CD86: variants seen among roughly 807,000 people sequenced by gnomAD.
CD86 encodes T-lymphocyte activation antigen CD86.
In CD86, 11 loss-of-function variants were observed where a neutral mutation model predicts 32.1. The observed-to-expected ratio is 0.34, with a 90% confidence interval of 0.22 to 0.57. The LOEUF (loss-of-function observed/expected upper bound fraction) is 0.57, where lower values mean the gene tolerates loss of function less well. Among genes scored for constraint, CD86 ranks in the 20% least tolerant of loss-of-function variants. The pLI is 0.86. For missense variants in CD86, 359 were observed against 398.4 expected, an observed-to-expected ratio of 0.90 and a Z score of 0.84; for synonymous variants, 137 against 135.3, an observed-to-expected ratio of 1.01 and a Z score of -0.09.
chr3:122,089,282 A>G (rs1017354947), intron 1 of CD86, among the ~76,000 whole-genome samples: 1 of 152,234 alleles, frequency 6.6e-6, no homozygotes, highest in African/African-American at 2.4e-5. Flanking sequence ...AATGTATTTC[A>G]TACCACTGTA....
At chr3:122,059,823 A>C (rs2072300288) in intron 1 of CD86, among the ~76,000 whole-genome samples, 1 of 152,182 alleles carries the variant, frequency 6.6e-6, no homozygotes, top group South Asian at 2.1e-4. Context: ...TCCTAATCCA[A>C]GACAATTGTT....
At chr3:122,112,066 T>C (rs993342362) in intron 5 of CD86, among the ~76,000 whole-genome samples, 1 of 152,200 alleles carries the variant, frequency 6.6e-6, no homozygotes, top group African/African-American at 2.4e-5. Flanking sequence ...AACTATGAAT[T>C]ACTGTCTTTT....
intron 2 of CD86, among the ~76,000 whole-genome samples, chr3:122,095,505 A>G (rs1281442739): frequency 6.6e-6 from 1 of 152,120 alleles, no homozygotes; most frequent in Non-Finnish European, 1.5e-5. Flanking sequence ...TTTATGTAAG[A>G]TTGGCTCAAA....
At chr3:122,068,360 A>T (rs2072443468) in intron 1 of CD86, among the ~76,000 whole-genome samples, 2 of 152,192 alleles carry the variant, frequency 1.3e-5, no homozygotes, top group Admixed American at 1.3e-4. Context: ...AGAAAAAAAA[A>T]ATATGAACTT....
chr3:122,085,974 T>G (rs970233203), intron 1 of CD86, among the ~76,000 whole-genome samples: 9 of 152,192 alleles, frequency 5.9e-5, no homozygotes, highest in Non-Finnish European at 1.3e-4. Flanking sequence ...CCACAGAGAC[T>G]GTGGTGTCCC....
chr3:122,068,677 G>A (rs934754225), intron 1 of CD86, among the ~76,000 whole-genome samples: 2 of 152,142 alleles, frequency 1.3e-5, no homozygotes, highest in Non-Finnish European at 2.9e-5. Context: ...TAAATGTGCT[G>A]CTGTATATAT....
At chr3:122,077,884 C>A in intron 1 of CD86, 1 of 985,448 alleles carries the variant, frequency 1.0e-6, no homozygotes, top group Non-Finnish European at 1.2e-6. Context: ...TCAGTCCTGG[C>A]ATTATTTCTC....
chr3:122,090,738 T>C (rs982914972), intron 1 of CD86, among the ~76,000 whole-genome samples: 2 of 152,036 alleles, frequency 1.3e-5, no homozygotes, highest in African/African-American at 4.8e-5. Flanking sequence ...TTAGGGTAAG[T>C]GCGTGGGTAG....
chr3:122,103,324 C>T (rs1576781768), intron 2 of CD86, among the ~76,000 whole-genome samples, 188 bp from the exon 3 acceptor site: 4 of 152,092 alleles, frequency 2.6e-5, no homozygotes, highest in South Asian at 2.1e-4. Context: ...ATTTAGTCAG[C>T]GGTGAAGCAA....
At chr3:122,086,722 A>T (rs2072727542) in intron 1 of CD86, 1 of 415,078 alleles carries the variant, frequency 2.4e-6, no homozygotes, top group Non-Finnish European at 4.9e-6. Flanking sequence ...ATGCAAAGGG[A>T]TACTTTGGGG....
At chr3:122,060,756 G>A (rs2072321273) in intron 1 of CD86, among the ~76,000 whole-genome samples, 1 of 152,118 alleles carries the variant, frequency 6.6e-6, no homozygotes, top group Non-Finnish European at 1.5e-5. Flanking sequence ...TTACATGTTG[G>A]ATTTTGAGTG....
At chr3:122,101,513 A>AAAAAATATATATATAT (rs1202377219) in intron 2 of CD86, among the ~76,000 whole-genome samples, 1 of 46,348 alleles carries the variant, frequency 2.2e-5, no homozygotes, top group African/African-American at 8.5e-5. Context: ...AAAAAAAAAA[A>AAAAAATATATATATAT]ATATATATAT....
chr3:122,095,917 T>A (rs1410627927), intron 2 of CD86, among the ~76,000 whole-genome samples: 2 of 152,076 alleles, frequency 1.3e-5, no homozygotes, highest in Non-Finnish European at 2.9e-5. Context: ...AAGAGTGAAA[T>A]TGGTATGGAA....
intron 3 of CD86, among the ~76,000 whole-genome samples, chr3:122,105,379 C>T (rs2073075195): frequency 1.3e-5 from 2 of 152,236 alleles, no homozygotes; most frequent in South Asian, 4.2e-4. Flanking sequence ...AGATGACATG[C>T]AAATGACAGA....
intron 1 of CD86, among the ~76,000 whole-genome samples, chr3:122,082,737 T>C (rs1205156049): frequency 6.6e-6 from 1 of 152,242 alleles, no homozygotes; most frequent in Non-Finnish European, 1.5e-5. Context: ...AGGAGATTCA[T>C]CATGTTAGTA....
In CD86 at chr3:122,096,232, G is replaced by GT. The variant is rs374712951; in HGVS notation, c.64+4590dup. On this transcript the variant is annotated intron_variant, in intron 2 of 6. Coordinates refer to ENST00000330540, the MANE Select transcript of CD86 (RefSeq NM_175862.5). Reference sequence around the variant, plus strand: ...AAGTACATGCCACCATGCCTGGCTAGTTTTTTTTGTTGTTGTTTTGTTTTG... The same window carrying GT: ...AAGTACATGCCACCATGCCTGGCTAGTTTTTTTTTGTTGTTGTTTTGTTTTG... 5.5e-4 allele frequency among the ~76,000 whole-genome samples: 83 copies of GT among 151,992 alleles called. 1 individual carries two copies. The highest frequency in any genetic ancestry group is 1.8e-3 in the African/African-American group (75 of 41,454).
intron 6 of CD86, 134 bp from the exon 7 acceptor site, chr3:122,119,304 C>G (rs1262624628): frequency 4.5e-6 from 3 of 668,780 alleles, no homozygotes; most frequent in Non-Finnish European, 8.1e-6. Context: ...CTTTCTCCAC[C>G]TTTCTCTTCA....
chr3:122,074,634 C>T (rs1576762829), intron 1 of CD86, among the ~76,000 whole-genome samples: 1 of 152,176 alleles, frequency 6.6e-6, no homozygotes, highest in East Asian at 1.9e-4. Flanking sequence ...TGTTTCTAGA[C>T]TCCCACGGGT....
intron 1 of CD86, among the ~76,000 whole-genome samples, chr3:122,058,850 C>T (rs1362617268): frequency 1.3e-5 from 2 of 151,882 alleles, no homozygotes; most frequent in South Asian, 2.1e-4. Context: ...GGAGAAATGG[C>T]GAGGGCATGA....
Sources: gnomAD v4.1 joint callset for allele counts (sites outside exome capture counted in the v4.1 genomes callset) on GRCh38, gnomAD v4.1.1 for gene constraint, MANE v1.5 for transcripts, NCBI Gene and HGNC (gene_info 2026-07-23, HGNC 2026-07-21) for gene names.